Variants in SLC13A3 observed in about 807,000 individuals in gnomAD.
SLC13A3 encodes solute carrier family 13 member 3.
Under a neutral mutation model 59.0 loss-of-function variants are expected in SLC13A3, and 40 were observed. That is an observed-to-expected ratio of 0.68 (90% CI 0.53 to 0.88). The LOEUF (loss-of-function observed/expected upper bound fraction) is 0.88, where lower values mean the gene tolerates loss of function less well. Ranked by LOEUF, SLC13A3 falls within the 40% of genes least tolerant of loss-of-function variation. The probability of loss-of-function intolerance (pLI) is 0.00; values close to 1 mark genes in which losing one functional copy is unlikely to be tolerated. For synonymous variants in SLC13A3, 317 were observed against 330.3 expected (o/e 0.96, Z 0.44); for missense variants, 699 against 783.2 (o/e 0.89, Z 1.28).
At chr20:46,667,990 C>T (rs140818475) in intron 1 of SLC13A3, among the ~76,000 whole-genome samples, 206 of 152,258 alleles carry the variant, frequency 1.4e-3, no homozygotes, top group African/African-American at 4.4e-3. Context: ...TATAAGACGG[C>T]AAATTTAGTG....
rs2062485092 is a variant in SLC13A3, at chr20:46,610,597, C to G, written c.390G>C (p.Gly130=). ...VGVQPARLIL[G]MMVTTSFLSM... is the part of the protein sequence containing the mutation. ...ACAAGAACGAGGTGGTCACCATCAT[C>G]CCCAGGATGAGCCTGCAGAGCAGAT... Residue 130 remains glycine, a synonymous_variant, in exon 3 of 13, where the codon GGG becomes GGC. Transcript: ENST00000279027. The G allele has an allele frequency of 6.2e-7, 1 of 1,613,098 alleles. No individual in the cohort carries two copies. Among genetic ancestry groups the G allele is most frequent in the Admixed American group, 1.7e-5 (1 of 59,930 alleles).
Position 46,596,462 on chromosome 20 carries a change from C to A in SLC13A3, c.609-120G>T, listed in dbSNP as rs2062314199. 3 of 827,464 alleles carry A rather than the reference C, an allele frequency of 3.6e-6. No individual in the cohort carries two copies. The Admixed American group carries it at 6.7e-5, about 19-fold the overall frequency. 51.3% of individuals were successfully genotyped at this position (827,464 alleles called of 1,614,324 possible). A position where few individuals can be genotyped will look rare whatever the true frequency, so the allele number is the denominator to read the frequency against. On this transcript the variant is annotated intron_variant, in intron 4 of 12. Coordinates refer to ENST00000279027, the MANE Select transcript of SLC13A3 (RefSeq NM_022829.6). ...GTAATTTGGCACAGGTATCAAAAAC[C>A]CGTAACAAGGTGCAACTCTTCAGCT...
At chr20:46,563,385 G>A (rs1344241448) in intron 12 of SLC13A3, 29 bp downstream of exon 12, 1 of 1,605,026 alleles carries the variant, frequency 6.2e-7, no homozygotes. Context: ...CACATCCCGG[G>A]GCCTCTGCTG....
chr20:46,674,593 G>GCGCGCGCA (rs1239092941), upstream of SLC13A3, among the ~76,000 whole-genome samples: 10 of 79,490 alleles, frequency 1.3e-4, no homozygotes, highest in African/African-American at 3.7e-4. Flanking sequence ...GGGAGTGCGC[G>GCGCGCGCA]CGCGCGCGCG....
At chr20:46,579,606 TC>T (rs1015079754) in intron 9 of SLC13A3, among the ~76,000 whole-genome samples, 4 of 152,162 alleles carry the variant, frequency 2.6e-5, no homozygotes, top group Admixed American at 1.3e-4. Context: ...TGGAGTTCCC[TC>T]CCCACCCACT....
intron 10 of SLC13A3, among the ~76,000 whole-genome samples, chr20:46,573,872 A>G (rs903226530): frequency 6.6e-6 from 1 of 152,228 alleles, no homozygotes; most frequent in African/African-American, 2.4e-5. Context: ...GAAACTGAAA[A>G]TTAAAATTGA....
intron 1 of SLC13A3, among the ~76,000 whole-genome samples, chr20:46,616,414 AT>A (rs1424184998): frequency 2.0e-5 from 3 of 152,044 alleles, no homozygotes; most frequent in African/African-American, 7.3e-5. Flanking sequence ...CGATTTGGGG[AT>A]TCAATGGCAG....
At chr20:46,588,024 G>A in intron 8 of SLC13A3, 35 bp downstream of exon 8, 2 of 1,339,184 alleles carry the variant, frequency 1.5e-6, no homozygotes, top group South Asian at 1.3e-5. Context: ...AATCCTCCCT[G>A]TTGGACTCCT....
chr20:46,561,017 C>A (rs2061926118), intron 12 of SLC13A3, among the ~76,000 whole-genome samples: 1 of 152,302 alleles, frequency 6.6e-6, no homozygotes, highest in South Asian at 2.1e-4. Context: ...AATTACTAAG[C>A]TAAAGAGAAA....
intron 1 of SLC13A3, among the ~76,000 whole-genome samples, chr20:46,677,414 C>T (rs2063132685): frequency 6.6e-6 from 1 of 152,134 alleles, no homozygotes; most frequent in Non-Finnish European, 1.5e-5. Context: ...ACGCTCCCAA[C>T]CTTTTAATTA....
At chr20:46,591,697 A>G (rs547933900) in intron 6 of SLC13A3, among the ~76,000 whole-genome samples, 1 of 152,334 alleles carries the variant, frequency 6.6e-6, no homozygotes, top group East Asian at 1.9e-4. Flanking sequence ...GGTGTTATTT[A>G]GTATTTTGTC....
Position 46,596,407 on chromosome 20 carries a change from A to G in SLC13A3, c.609-65T>C, listed in dbSNP as rs116552459. The G allele has an allele frequency of 6.6e-4, 962 of 1,456,898 alleles. 8 individuals carry two copies. The African/African-American group carries it at 0.011, about 17-fold the overall frequency. The allele number at this position is 1,456,898 out of a possible 1,614,324, so 90.2% of individuals were successfully genotyped here. A position where few individuals can be genotyped will look rare whatever the true frequency, so the allele number is the denominator to read the frequency against. ...GAGAACAGGCCACAGACTGCCTGGGAGTTGGGGAGCTAAGTGATCTTTCTA... is the reference window on the plus strand; with the variant it reads ...GAGAACAGGCCACAGACTGCCTGGGGGTTGGGGAGCTAAGTGATCTTTCTA... On this transcript the variant is annotated intron_variant, in intron 4 of 12. Transcript: ENST00000279027.
chr20:46,675,395 A>G (rs939432024), intron 1 of SLC13A3, among the ~76,000 whole-genome samples: 1 of 142,816 alleles, frequency 7.0e-6, no homozygotes, highest in African/African-American at 2.7e-5. Flanking sequence ...ACGCCCAGCT[A>G]ATTTTTTTTC....
chr20:46,607,225 T>C (rs1042630365), intron 3 of SLC13A3, among the ~76,000 whole-genome samples: 2 of 152,206 alleles, frequency 1.3e-5, no homozygotes, highest in African/African-American at 4.8e-5. Flanking sequence ...AAAATTAGCA[T>C]GGTATCTGCA....
At chr20:46,684,257 A>G (rs1356931665) in intron 1 of SLC13A3, 1 of 152,326 alleles carries the variant, frequency 6.6e-6, no homozygotes, top group African/African-American at 2.4e-5. Context: ...TCCCCAGGAA[A>G]GTAAGCTTCA....
At chr20:46,575,779 G>GA in intron 9 of SLC13A3, 94 bp from the exon 10 acceptor site, 2 of 647,046 alleles carry the variant, frequency 3.1e-6, no homozygotes, top group Non-Finnish European at 5.0e-6. Flanking sequence ...GGGACACTCA[G>GA]GGGTCCCCAG....
chr20:46,575,622 T>A lies in SLC13A3; in HGVS notation c.1283A>T (p.Asn428Ile), dbSNP rs1221432608. The A allele has an allele frequency of 6.2e-7, 1 of 1,608,342 alleles. No individual in the cohort carries two copies. The highest frequency in any genetic ancestry group is 1.3e-5 in the African/African-American group (1 of 74,818). The change falls in exon 10 of 13, where the codon AAC (asparagine) becomes ATC (isoleucine). Residue 428 changes from asparagine to isoleucine, a missense_variant. Coordinates refer to ENST00000279027, the MANE Select transcript of SLC13A3 (RefSeq NM_022829.6). ...WKKAQETVPWNIILLLGGGFA... is the reference protein window; with the variant it reads ...WKKAQETVPWIIILLLGGGFA... ...GCCCCCTCCCAGGAGAAGGATGATG[T>A]TCCAGGGCACTGTCTCCTGGGCCTT...
intron 9 of SLC13A3, among the ~76,000 whole-genome samples, 181 bp from the exon 10 acceptor site, chr20:46,575,866 G>A (rs554579424): frequency 8.5e-5 from 13 of 152,168 alleles, no homozygotes; most frequent in Non-Finnish European, 1.9e-4. Context: ...AGGTGGAGCT[G>A]CTCTATTCCC....
At chr20:46,678,512 C>A (rs770201658) in intron 1 of SLC13A3, among the ~76,000 whole-genome samples, 6 of 152,198 alleles carry the variant, frequency 3.9e-5, no homozygotes, top group Non-Finnish European at 4.4e-5. Context: ...TCAACATCTT[C>A]CTCTCATTGA....
Sources: allele counts gnomAD v4.1 joint callset (sites outside exome capture counted in the v4.1 genomes callset), GRCh38; gene constraint gnomAD v4.1.1; transcripts MANE v1.5; gene names NCBI Gene and HGNC (gene_info 2026-07-23, HGNC 2026-07-21).